The following EHD4 variants were observed in gnomAD, a reference collection of about 807,000 sequenced individuals.
EHD4 encodes the protein EH domain containing 4.
EHD4 carries 37 observed loss-of-function variants against 51.0 expected under a neutral mutation model. The observed-to-expected ratio is 0.73, with a 90% confidence interval of 0.56 to 0.95. The LOEUF (loss-of-function observed/expected upper bound fraction) is 0.95, where lower values mean the gene tolerates loss of function less well. EHD4 is among the 40% of genes least tolerant of loss of function. The pLI is 0.00. For missense variants in EHD4, 632 were observed against 733.1 expected (o/e 0.86, Z 1.59); for synonymous variants, 297 against 317.3 (o/e 0.94, Z 0.68).
intron 1 of EHD4, among the ~76,000 whole-genome samples, chr15:41,955,162 T>G (rs183719039): frequency 6.6e-6 from 1 of 152,292 alleles, no homozygotes; most frequent in East Asian, 1.9e-4. Context: ...TACTGAGTGC[T>G]TGCTATATTC....
At chr15:41,962,627 C>T (rs1015129488) in intron 1 of EHD4, among the ~76,000 whole-genome samples, 97 of 151,970 alleles carry the variant, frequency 6.4e-4, no homozygotes, top group African/African-American at 2.3e-3. Flanking sequence ...AAAAGTAATC[C>T]TATTTTAAAA....
At position 41,899,715 on chromosome 15, in the gene EHD4, A is replaced by G. The variant is rs1323466956; in HGVS notation, c.*930T>C. The G allele has an allele frequency of 2.0e-5, 3 of 152,198 alleles. No homozygotes were observed. Among genetic ancestry groups the G allele is most frequent in the Non-Finnish European group, 4.4e-5 (3 of 68,034 alleles). The allele number at this position is 152,198 out of a possible 1,614,324, so 9.4% of individuals were successfully genotyped here. On this transcript the variant is annotated 3_prime_UTR_variant, in exon 6 of 6. Coordinates refer to ENST00000220325, the MANE Select transcript of EHD4 (RefSeq NM_139265.4). ...TGCCACCCACCAAGGAGACCTCGGG[A>G]TATTTAATGTTTGAGGGCCACACTA...
intron 1 of EHD4, among the ~76,000 whole-genome samples, chr15:41,963,972 C>T (rs900019136): frequency 2.6e-5 from 4 of 151,494 alleles, no homozygotes; most frequent in South Asian, 2.1e-4. Context: ...AGTGAAACCC[C>T]GTCTCTTCTA....
chr15:41,912,731 A>G lies in EHD4; in HGVS notation c.925-2868T>C, dbSNP rs144788711. 1.4e-3 allele frequency among the ~76,000 whole-genome samples: 211 copies of G among 152,212 alleles called. 2 individuals are homozygous for G. In the East Asian group the frequency reaches 0.03, roughly 21 times the overall value. The stretch of plus-strand genomic sequence containing the variant: ...AAAAAATTCATCAAGTCACAAGGTA[A>G]ATTATAATCCTTAGCATCATGAAAT... On this transcript the variant is annotated intron_variant, in intron 4 of 5. Transcript: ENST00000220325.
intron 5 of EHD4, among the ~76,000 whole-genome samples, chr15:41,904,851 C>T (rs1178446551): frequency 6.6e-6 from 1 of 152,234 alleles, no homozygotes; most frequent in Non-Finnish European, 1.5e-5. Context: ...CGGTCCCTCC[C>T]CAGAGCGTGC....
chr15:41,956,383 G>A (rs1441132205), intron 1 of EHD4, among the ~76,000 whole-genome samples: 1 of 152,200 alleles, frequency 6.6e-6, no homozygotes, highest in Non-Finnish European at 1.5e-5. Context: ...TAAGCAGTGA[G>A]TCCCCCAGCT....
chr15:41,917,192 C>CACGA (rs1331405102), intron 4 of EHD4, among the ~76,000 whole-genome samples: 1 of 152,094 alleles, frequency 6.6e-6, no homozygotes, highest in Non-Finnish European at 1.5e-5. Flanking sequence ...ACGATCTTGG[C>CACGA]TCACTGCAAC....
rs185961927 is a variant in EHD4 at position 41,957,726 on chromosome 15, C to T, written c.237-3786G>A. ...TGCTCTAAGCAGGACCTGGCAGATC[C>T]CTGACTTTACATATGACACTCTAAG... On this transcript the variant is annotated intron_variant, in intron 1 of 5. Coordinates refer to ENST00000220325, the MANE Select transcript of EHD4 (RefSeq NM_139265.4). Among the ~76,000 whole-genome samples the T allele has an allele frequency of 1.0e-3, 153 of 152,310 alleles. No individual in the cohort carries two copies. The Middle Eastern group carries it at 0.014, about 14-fold the overall frequency.
chr15:41,959,462 T>C (rs1566827381), intron 1 of EHD4, among the ~76,000 whole-genome samples: 1 of 149,486 alleles, frequency 6.7e-6, no homozygotes, highest in African/African-American at 2.5e-5. Flanking sequence ...TCTTAAAATA[T>C]GTTCGTGCAT....
chr15:41,917,455 TCCAGTCACTGGGTCTTCATTTA>T (rs1277352326), intron 4 of EHD4, among the ~76,000 whole-genome samples: 1 of 152,174 alleles, frequency 6.6e-6, no homozygotes, highest in Non-Finnish European at 1.5e-5. Context: ...CAGCAGCATC[TCCAGTCACTGGGTCTTCATTTA>T]CCAATAACTG....
intron 5 of EHD4, chr15:41,908,099 C>G (rs912234229): frequency 6.6e-5 from 10 of 152,100 alleles, no homozygotes; most frequent in African/African-American, 2.4e-4. Context: ...CTCCTGACCT[C>G]AGGTGATCTG....
intron 5 of EHD4, 115 bp downstream of exon 5, chr15:41,909,584 T>C (rs752190531): frequency 1.3e-5 from 16 of 1,187,784 alleles, no homozygotes; most frequent in East Asian, 2.3e-5. Flanking sequence ...ATTAGGAAGA[T>C]GCGTTGTCCT....
chr15:41,904,386 C>T (rs954087594), intron 5 of EHD4, among the ~76,000 whole-genome samples: 9 of 151,872 alleles, frequency 5.9e-5, no homozygotes, highest in South Asian at 2.1e-4. Flanking sequence ...CCGGGGACTG[C>T]GGGGGCACCA....
At chr15:41,930,746 GAC>G (rs1460079148) in intron 3 of EHD4, among the ~76,000 whole-genome samples, 2 of 152,148 alleles carry the variant, frequency 1.3e-5, no homozygotes, top group African/African-American at 4.8e-5. Context: ...ATTACTCAGA[GAC>G]AGTTATTTCT....
chr15:41,924,175 T>C (rs1336327680), intron 3 of EHD4, among the ~76,000 whole-genome samples: 2 of 152,198 alleles, frequency 1.3e-5, no homozygotes, highest in Non-Finnish European at 2.9e-5. Flanking sequence ...CTGTGCTGCC[T>C]ATGGCACCAC....
Position 41,903,776 on chromosome 15 carries a change from C to T in EHD4, c.1090-2595G>A, listed in dbSNP as rs145812844. On this transcript the variant is annotated intron_variant, in intron 5 of 5. Transcript: ENST00000220325. ...ACAGAGCTGAGAAATATCAGCTAAACGGGCTGACATTTCTCTAGGGAAGGG... is the reference window on the plus strand; with the variant it reads ...ACAGAGCTGAGAAATATCAGCTAAATGGGCTGACATTTCTCTAGGGAAGGG... 7.4e-4 allele frequency among the ~76,000 whole-genome samples: 112 copies of T among 152,070 alleles called. No homozygotes were observed. The East Asian group carries it at 0.012, about 16-fold the overall frequency.
At chr15:41,925,952 C>T (rs1373286374) in intron 3 of EHD4, 8 of 152,252 alleles carry the variant, frequency 5.3e-5, no homozygotes, top group East Asian at 3.9e-4. Flanking sequence ...AAATATAGCA[C>T]GGGGGTCCCT....
chr15:41,921,622 G>C (rs1266352757), intron 3 of EHD4: 2 of 152,234 alleles, frequency 1.3e-5, no homozygotes, highest in Non-Finnish European at 1.5e-5. Flanking sequence ...TTTTCCAGGA[G>C]AGATGATTGA....
At chr15:41,962,869 AAAAG>A (rs1595546748) in intron 1 of EHD4, among the ~76,000 whole-genome samples, 3 of 152,206 alleles carry the variant, frequency 2.0e-5, no homozygotes, top group East Asian at 1.9e-4. Context: ...AAATGTGGGG[AAAAG>A]AAAGAGAGAT....
Sources: gnomAD v4.1 joint callset for allele counts (sites outside exome capture counted in the v4.1 genomes callset) on GRCh38, gnomAD v4.1.1 for gene constraint, MANE v1.5 for transcripts, NCBI Gene and HGNC (gene_info 2026-07-23, HGNC 2026-07-21) for gene names.